SLC41A2: variants seen among roughly 807,000 people sequenced by gnomAD.
SLC41A2 encodes the protein solute carrier family 41 member 2.
Under a neutral mutation model 58.3 loss-of-function variants are expected in SLC41A2, and 32 were observed. The observed-to-expected ratio is 0.55, with a 90% CI of 0.41 to 0.74. The LOEUF (loss-of-function observed/expected upper bound fraction) is 0.74, where lower values mean the gene tolerates loss of function less well. SLC41A2 is among the 30% of genes least tolerant of loss of function. SLC41A2 has a pLI of 0.00. For missense variants in SLC41A2, 514 were observed against 680.6 expected (o/e 0.76, Z 2.72); for synonymous variants, 190 against 235.0 (o/e 0.81, Z 1.75).
chr12:104,905,862 C>T (rs576642955), intron 3 of SLC41A2, among the ~76,000 whole-genome samples: 3 of 152,372 alleles, frequency 2.0e-5, no homozygotes, highest in South Asian at 2.1e-4. Flanking sequence ...CCGCAAGCGC[C>T]GCACACAGCC....
intron 2 of SLC41A2, among the ~76,000 whole-genome samples, chr12:104,922,053 T>G (rs997918206): frequency 6.6e-6 from 1 of 152,080 alleles, no homozygotes; most frequent in Non-Finnish European, 1.5e-5. Flanking sequence ...AGCAGCAAAT[T>G]GAAACATGCA....
rs1295719317 is a variant in SLC41A2 at position 104,804,053 on chromosome 12, G to C, written c.*1099C>G. 7.2e-6 allele frequency: 1 copy of C among 138,424 alleles called. No individual in the cohort carries two copies. Among genetic ancestry groups the C allele is most frequent in the African/African-American group, 2.7e-5 (1 of 37,044 alleles). The allele number at this position is 138,424 out of a possible 1,614,324, so 8.6% of individuals were successfully genotyped here. A position where few individuals can be genotyped will look rare whatever the true frequency, so the allele number is the denominator to read the frequency against. On this transcript the variant is annotated 3_prime_UTR_variant, in exon 11 of 11. Coordinates refer to ENST00000258538, the MANE Select transcript of SLC41A2 (RefSeq NM_001352171.3). The stretch of plus-strand genomic sequence containing the variant: ...AGCTACTCGGGAGGCTGAGGCAGGA[G>C]AATCACTTGAATCCAGGAGGTGGAG...
intron 10 of SLC41A2, among the ~76,000 whole-genome samples, chr12:104,822,760 T>C (rs1235997421): frequency 6.6e-6 from 1 of 151,972 alleles, no homozygotes; most frequent in Non-Finnish European, 1.5e-5. Context: ...AATTGAGTAA[T>C]AGATATCTCT....
chr12:104,831,904 A>G (rs2468108), intron 10 of SLC41A2, among the ~76,000 whole-genome samples: 74,406 of 152,044 alleles, frequency 0.49, 19,036 homozygotes, highest in Middle Eastern at 0.57. Flanking sequence ...CACAAATAAT[A>G]AAAAACAATA....
At chr12:104,826,499 C>A (rs2041850907) in intron 10 of SLC41A2, among the ~76,000 whole-genome samples, 1 of 152,074 alleles carries the variant, frequency 6.6e-6, no homozygotes, top group African/African-American at 2.4e-5. Context: ...GACATGAGTC[C>A]CAGAGGCACC....
chr12:104,820,032 G>C (rs766202807), intron 10 of SLC41A2, among the ~76,000 whole-genome samples: 17 of 152,186 alleles, frequency 1.1e-4, no homozygotes, highest in Non-Finnish European at 2.2e-4. Flanking sequence ...ATCTGCTACA[G>C]CAAACCTAAA....
At chr12:104,831,593 C>T (rs1335719699) in intron 10 of SLC41A2, among the ~76,000 whole-genome samples, 2 of 152,148 alleles carry the variant, frequency 1.3e-5, no homozygotes, top group South Asian at 2.1e-4. Context: ...TATTTTATTA[C>T]ACTTGTTGAG....
intron 2 of SLC41A2, among the ~76,000 whole-genome samples, chr12:104,924,066 A>T (rs1045713661): frequency 6.6e-6 from 1 of 152,224 alleles, no homozygotes; most frequent in African/African-American, 2.4e-5. Flanking sequence ...TCCAAAATGT[A>T]ACTCCTATAA....
chr12:104,875,613 G>A (rs539966930), intron 6 of SLC41A2, among the ~76,000 whole-genome samples: 1 of 152,254 alleles, frequency 6.6e-6, no homozygotes, highest in East Asian at 1.9e-4. Flanking sequence ...ACAACATAGT[G>A]AGACCCTGTC....
chr12:104,805,241 A>C lies in SLC41A2; in HGVS notation c.1633T>G (p.Leu545Val). The change falls in exon 11 of 11, where the codon TTG becomes GTG. Residue 545 changes from leucine to valine, a missense_variant. Around this residue, in one of 3 missense-constraint regions of SLC41A2, gnomAD observed 128 missense variants for 146.0 expected, o/e 0.88. Coordinates refer to ENST00000258538, the MANE Select transcript of SLC41A2 (RefSeq NM_001352171.3). ...DSFSIPYLTA[L>V]GDLLGTALLA... ...AGAGCTGTCCCGAGCAGATCACCCA[A>C]TGCTGTTAGGTAGGGGATGGAGAAA... is the stretch of plus-strand genomic sequence containing the variant. The C allele has an allele frequency of 6.2e-7, 1 of 1,613,942 alleles. No individual in the cohort carries two copies. Among genetic ancestry groups the C allele is most frequent in the Non-Finnish European group, 8.5e-7 (1 of 1,179,858 alleles).
intron 10 of SLC41A2, among the ~76,000 whole-genome samples, chr12:104,836,667 A>G (rs1190424283): frequency 1.3e-5 from 2 of 152,218 alleles, no homozygotes; most frequent in African/African-American, 4.8e-5. Context: ...AACCTGAAGG[A>G]GATTGTTTTA....
At chr12:104,839,435 T>C (rs1305582556) in intron 10 of SLC41A2, among the ~76,000 whole-genome samples, 4 of 152,042 alleles carry the variant, frequency 2.6e-5, no homozygotes, top group Admixed American at 1.3e-4. Flanking sequence ...TGAATAGTAA[T>C]AGACTTATTT....
intron 4 of SLC41A2, among the ~76,000 whole-genome samples, chr12:104,894,906 C>T (rs2045205823): frequency 6.6e-6 from 1 of 151,912 alleles, no homozygotes; most frequent in Admixed American, 6.6e-5. Flanking sequence ...TAGAAAAGAG[C>T]TCAGTTTATC....
chr12:104,841,058 T>G (rs1342368338), intron 10 of SLC41A2, among the ~76,000 whole-genome samples: 1 of 152,146 alleles, frequency 6.6e-6, no homozygotes, highest in Non-Finnish European at 1.5e-5. Context: ...AGTAGAATAG[T>G]ATAAATTAAC....
At chr12:104,832,532 C>T (rs1014794725) in intron 10 of SLC41A2, among the ~76,000 whole-genome samples, 11 of 152,090 alleles carry the variant, frequency 7.2e-5, no homozygotes, top group Non-Finnish European at 4.4e-5. Flanking sequence ...GAAGATTTAC[C>T]TCTCACTTTG....
intron 3 of SLC41A2, among the ~76,000 whole-genome samples, chr12:104,908,258 G>A (rs757321622): frequency 3.3e-5 from 5 of 151,958 alleles, no homozygotes; most frequent in Admixed American, 6.6e-5. Context: ...ACAAGATTCC[G>A]TCTCAAAAAA....
At chr12:104,909,868 A>G in intron 2 of SLC41A2, 106 bp from the exon 3 acceptor site, 2 of 683,190 alleles carry the variant, frequency 2.9e-6, no homozygotes, top group Non-Finnish European at 4.8e-6. Context: ...TGGCATCTAC[A>G]TTTTGAATAA....
intron 3 of SLC41A2, among the ~76,000 whole-genome samples, chr12:104,904,982 T>C (rs185284089): frequency 6.6e-6 from 1 of 152,238 alleles, no homozygotes; most frequent in African/African-American, 2.4e-5. Context: ...TTCTCTTATC[T>C]GGCCCCACCC....
intron 10 of SLC41A2, among the ~76,000 whole-genome samples, chr12:104,829,665 C>T (rs1462950813): frequency 1.3e-5 from 2 of 151,828 alleles, no homozygotes; most frequent in African/African-American, 4.8e-5. Flanking sequence ...TTGAAGATTG[C>T]AGATTTCATC....
Sources: allele counts gnomAD v4.1 joint callset (sites outside exome capture counted in the v4.1 genomes callset), GRCh38; gene constraint gnomAD v4.1.1; regional missense constraint gnomAD v4.1.1; transcripts MANE v1.5; gene names NCBI Gene and HGNC (gene_info 2026-07-23, HGNC 2026-07-21).